The following DAW1 variants were observed in gnomAD, a reference collection of about 807,000 sequenced individuals.
DAW1 encodes the protein dynein assembly factor with WD repeat domains 1.
Under a neutral mutation model 56.5 loss-of-function variants are expected in DAW1, and 47 were observed. That is an observed-to-expected ratio of 0.83 (90% CI 0.66 to 1.06). DAW1 has a LOEUF of 1.06. Among genes scored for constraint, DAW1 ranks in the 50% least tolerant of loss-of-function variants. The pLI, the probability that DAW1 is intolerant of heterozygous loss-of-function variation, is 0.00. For missense variants in DAW1, 505 were observed against 499.3 expected, an observed-to-expected ratio of 1.01 and a Z score of -0.11; for synonymous variants, 190 against 179.0, an observed-to-expected ratio of 1.06 and a Z score of -0.49.
intron 4 of DAW1, 57 bp downstream of exon 4, chr2:227,891,370 TTATC>T: frequency 7.0e-7 from 1 of 1,433,634 alleles, no homozygotes; most frequent in Non-Finnish European, 9.8e-7. Flanking sequence ...CTGTGTTTAT[TTATC>T]AAAGATTCCA....
intron 12 of DAW1, among the ~76,000 whole-genome samples, chr2:227,923,032 A>G (rs903091719): frequency 6.6e-6 from 1 of 152,206 alleles, no homozygotes; most frequent in Non-Finnish European, 1.5e-5. Flanking sequence ...TGGAGAGTTT[A>G]GCAAAAGAAT....
intron 2 of DAW1, among the ~76,000 whole-genome samples, chr2:227,888,583 C>G (rs1026317144): frequency 6.6e-6 from 1 of 152,190 alleles, no homozygotes; most frequent in African/African-American, 2.4e-5. Context: ...AAGAGGCAGC[C>G]CTGGCCTGGA....
chr2:227,890,767 TG>T (rs1407060567), intron 3 of DAW1, among the ~76,000 whole-genome samples: 1 of 152,244 alleles, frequency 6.6e-6, no homozygotes, highest in Admixed American at 6.5e-5. Context: ...TTTTTGATGG[TG>T]AAAGTAGATG....
chr2:227,890,105 A>G lies in DAW1; in HGVS notation c.258+105A>G, dbSNP rs891799238. On this transcript the variant is annotated intron_variant, in intron 3 of 12. Coordinates refer to ENST00000309931, the MANE Select transcript of DAW1 (RefSeq NM_178821.3). ...TATTTTTTCATGAAAAAGGCATGTC[A>G]GTGATTGATTGTAGTGCCTCACATA... is the stretch of plus-strand genomic sequence containing the variant. 1.1e-5 allele frequency: 13 copies of G among 1,218,592 alleles called. No individual in the cohort carries two copies. In the African/African-American group the frequency reaches 2.0e-4, roughly 19 times the overall value. The allele number at this position is 1,218,592 out of a possible 1,614,324, so 75.5% of individuals were successfully genotyped here.
chr2:227,904,952 C>T lies in DAW1; in HGVS notation c.672C>T (p.Ser224=), dbSNP rs1332449138. The T allele has an allele frequency of 6.2e-7, 1 of 1,613,454 alleles. No individual in the cohort carries two copies. The highest frequency in any genetic ancestry group is 1.3e-5 in the African/African-American group (1 of 75,008). The change falls in exon 8 of 13, where the codon TCC becomes TCT. Residue 224 remains serine (S), a synonymous_variant. Coordinates refer to ENST00000309931, the MANE Select transcript of DAW1 (RefSeq NM_178821.3). ...AGGGACATTCTGCCGAAATCATCTC[C>T]TTGTCATTTAACACCTCAGGAGACA... ...TLRGHSAEII[S]LSFNTSGDRI... is the part of the protein sequence containing the mutation.
At chr2:227,896,633 TGA>T (rs926180024) in intron 5 of DAW1, among the ~76,000 whole-genome samples, 18 of 126,138 alleles carry the variant, frequency 1.4e-4, no homozygotes, top group African/African-American at 4.8e-4. Context: ...TGTGTGTGTA[TGA>T]GAGAGAGAGA....
At chr2:227,917,806 G>T (rs575782171) in intron 10 of DAW1, among the ~76,000 whole-genome samples, 1 of 152,088 alleles carries the variant, frequency 6.6e-6, no homozygotes, top group African/African-American at 2.4e-5. Context: ...TTCTAAAATG[G>T]CAGGTTTTGT....
intron 6 of DAW1, among the ~76,000 whole-genome samples, chr2:227,899,996 T>C (rs1691500896): frequency 6.6e-6 from 1 of 152,208 alleles, no homozygotes; most frequent in Admixed American, 6.5e-5. Context: ...TCATGGTATA[T>C]TCATCCATAA....
chr2:227,880,812 AAGG>A (rs1690993426), intron 1 of DAW1, among the ~76,000 whole-genome samples: 1 of 152,192 alleles, frequency 6.6e-6, no homozygotes, highest in Non-Finnish European at 1.5e-5. Flanking sequence ...AGCAGTGTTG[AAGG>A]AGAAGATCCT....
At chr2:227,911,004 C>T (rs13393851) in intron 10 of DAW1, among the ~76,000 whole-genome samples, 33,864 of 151,646 alleles carry the variant, frequency 0.22, 3,900 homozygotes, top group Non-Finnish European at 0.26. Context: ...TCCCTGATAA[C>T]ATATAACACC....
chr2:227,908,181 C>G (rs1297044326), intron 10 of DAW1, among the ~76,000 whole-genome samples: 1 of 152,164 alleles, frequency 6.6e-6, no homozygotes, highest in Non-Finnish European at 1.5e-5. Context: ...GCCTAAGGAT[C>G]ATGTTTATTT....
intron 6 of DAW1, among the ~76,000 whole-genome samples, chr2:227,902,405 C>G (rs1691568770): frequency 6.6e-6 from 1 of 151,956 alleles, no homozygotes; most frequent in East Asian, 1.9e-4. Flanking sequence ...GCAGATGTCT[C>G]AATGAGATGA....
chr2:227,907,484 A>G (rs999468864), intron 10 of DAW1, among the ~76,000 whole-genome samples: 13 of 152,106 alleles, frequency 8.5e-5, no homozygotes, highest in African/African-American at 2.9e-4. Flanking sequence ...GAGGTATATG[A>G]GGTCTTTGTC....
chr2:227,920,245 A>G (rs1692072039), intron 11 of DAW1, among the ~76,000 whole-genome samples: 1 of 152,214 alleles, frequency 6.6e-6, no homozygotes, highest in Admixed American at 6.5e-5. Context: ...GCATCTGGTA[A>G]GGGCATTTCT....
At chr2:227,880,397 T>A (rs1384106853) in intron 1 of DAW1, among the ~76,000 whole-genome samples, 3 of 143,386 alleles carry the variant, frequency 2.1e-5, no homozygotes, top group Admixed American at 7.2e-5. Context: ...TTTTTTTTTT[T>A]ACTCTAGGGA....
chr2:227,884,173 A>G (rs1187099340), intron 1 of DAW1, among the ~76,000 whole-genome samples: 1 of 152,118 alleles, frequency 6.6e-6, no homozygotes, highest in Admixed American at 6.5e-5. Flanking sequence ...TTTCATTATC[A>G]TATTTTTCAA....
At chr2:227,895,430 C>G (rs1251658526) in intron 5 of DAW1, 2 of 152,120 alleles carry the variant, frequency 1.3e-5, no homozygotes, top group Non-Finnish European at 2.9e-5. Context: ...GTTATGATGA[C>G]TAGAACAAAA....
At chr2:227,916,932 G>A (rs1324226457) in intron 10 of DAW1, among the ~76,000 whole-genome samples, 1 of 152,114 alleles carries the variant, frequency 6.6e-6, no homozygotes, top group African/African-American at 2.4e-5. Flanking sequence ...GTATGTGTCA[G>A]CTCCATAATT....
chr2:227,907,103 C>CTTTTTTTTTTT, intron 9 of DAW1, 35 bp from the exon 10 acceptor site: 1 of 1,143,104 alleles, frequency 8.7e-7, no homozygotes. Context: ...AAGTCATAGT[C>CTTTTTTTTTTT]TTTTTTTTTT....
Sources: gnomAD v4.1 joint callset for allele counts (sites outside exome capture counted in the v4.1 genomes callset) on GRCh38, gnomAD v4.1.1 for gene constraint, MANE v1.5 for transcripts, NCBI Gene and HGNC (gene_info 2026-07-23, HGNC 2026-07-21) for gene names.